KLHL1: variants seen among roughly 807,000 people sequenced by gnomAD.
KLHL1 encodes kelch-like protein 1.
In KLHL1, 47 loss-of-function variants were observed where a neutral mutation model predicts 77.7. The observed-to-expected ratio is 0.60, with a 90% confidence interval of 0.48 to 0.77. The LOEUF (loss-of-function observed/expected upper bound fraction) is 0.77, where lower values mean the gene tolerates loss of function less well. KLHL1 is among the 30% of genes least tolerant of loss of function. The probability of loss-of-function intolerance (pLI) is 0.00; values close to 1 mark genes in which losing one functional copy is unlikely to be tolerated. For missense variants in KLHL1, 925 were observed against 910.8 expected (o/e 1.02, Z -0.20); for synonymous variants, 360 against 325.2 (o/e 1.11, Z -1.15).
At chr13:69,747,905 T>A (rs931693796) in intron 7 of KLHL1, among the ~76,000 whole-genome samples, 1 of 151,952 alleles carries the variant, frequency 6.6e-6, no homozygotes, top group African/African-American at 2.4e-5. Flanking sequence ...TATATTACTA[T>A]ACACAGCAAA....
Position 69,943,411 on chromosome 13 carries a change from G to A in KLHL1, c.818-3175C>T, listed in dbSNP as rs1883425615. On this transcript the variant is annotated intron_variant, in intron 3 of 10. Coordinates refer to ENST00000377844, the MANE Select transcript of KLHL1 (RefSeq NM_020866.3). ...ATGCCTCCAAGCATAAAAGTGAGCT[G>A]ATGAAGGAAAAAGAAGAGCAGATAC... 2.0e-5 allele frequency among the ~76,000 whole-genome samples: 3 copies of A among 151,842 alleles called. No homozygotes were observed. In the South Asian group the frequency reaches 6.2e-4, roughly 31 times the overall value.
intron 6 of KLHL1, among the ~76,000 whole-genome samples, chr13:69,835,069 G>A (rs756334449): frequency 1.1e-4 from 16 of 152,134 alleles, no homozygotes; most frequent in Non-Finnish European, 2.1e-4. Context: ...AAATGTCAAT[G>A]AGTCTACCTT....
intron 4 of KLHL1, among the ~76,000 whole-genome samples, chr13:69,929,269 T>C (rs1882916637): frequency 6.6e-6 from 1 of 152,040 alleles, no homozygotes; most frequent in Non-Finnish European, 1.5e-5. Context: ...TCAAGCCTTC[T>C]GGTTTTCAAG....
intron 2 of KLHL1, among the ~76,000 whole-genome samples, chr13:69,964,867 C>T (rs188655252): frequency 3.3e-5 from 5 of 152,054 alleles, no homozygotes; most frequent in Admixed American, 6.6e-5. Flanking sequence ...GGTCAATTTC[C>T]ATTGACTGAT....
chr13:69,844,915 T>C (rs986000363), intron 5 of KLHL1, among the ~76,000 whole-genome samples: 1 of 151,574 alleles, frequency 6.6e-6, no homozygotes, highest in Non-Finnish European at 1.5e-5. Context: ...TTTGTTCCTA[T>C]GTCAATTTAT....
At chr13:69,886,268 A>G (rs999132973) in intron 4 of KLHL1, among the ~76,000 whole-genome samples, 1 of 152,142 alleles carries the variant, frequency 6.6e-6, no homozygotes, top group East Asian at 1.9e-4. Context: ...CTACAAAAAT[A>G]AAGACTAAAC....
chr13:69,903,958 T>A (rs954473315), intron 4 of KLHL1, among the ~76,000 whole-genome samples: 11 of 151,252 alleles, frequency 7.3e-5, no homozygotes, highest in African/African-American at 1.9e-4. Flanking sequence ...CTTGATATAT[T>A]TTTTTTTATG....
intron 1 of KLHL1, among the ~76,000 whole-genome samples, chr13:70,004,055 T>G (rs1044001625): frequency 1.3e-5 from 2 of 151,882 alleles, no homozygotes; most frequent in African/African-American, 4.8e-5. Context: ...AGTTTATTCA[T>G]ACTGGTTATA....
Position 69,701,562 on chromosome 13 carries a change from C to G in KLHL1, c.*140G>C. On this transcript the variant is annotated 3_prime_UTR_variant, in exon 11 of 11. Transcript: ENST00000377844. Reference sequence around the variant, plus strand: ...CCTACTATTCTGTTTGATCTACTAACTCTTTCAACATCAGTAGGTAACGCT... The same window carrying G: ...CCTACTATTCTGTTTGATCTACTAAGTCTTTCAACATCAGTAGGTAACGCT... 1.6e-6 allele frequency: 1 copy of G among 633,108 alleles called. No homozygotes were observed. Among genetic ancestry groups the G allele is most frequent in the South Asian group, 2.0e-5 (1 of 50,750 alleles). 39.2% of individuals were successfully genotyped at this position (633,108 alleles called of 1,614,324 possible).
chr13:69,965,334 C>T (rs1884182116), intron 2 of KLHL1, among the ~76,000 whole-genome samples: 1 of 152,094 alleles, frequency 6.6e-6, no homozygotes, highest in Non-Finnish European at 1.5e-5. Flanking sequence ...ATTGTTATGT[C>T]TGTTACAGTA....
chr13:70,041,848 A>G (rs1017009018), intron 1 of KLHL1, among the ~76,000 whole-genome samples: 2 of 151,994 alleles, frequency 1.3e-5, no homozygotes, highest in African/African-American at 4.8e-5. Flanking sequence ...CATGCTTGCT[A>G]CTTTGGCCTT....
chr13:69,964,029 T>C (rs1884143075), intron 2 of KLHL1, among the ~76,000 whole-genome samples: 2 of 142,788 alleles, frequency 1.4e-5, no homozygotes, highest in South Asian at 4.7e-4. Context: ...GCACCACTGT[T>C]GGAATTTTTT....
At chr13:69,706,519 T>C (rs1418916957) in intron 10 of KLHL1, among the ~76,000 whole-genome samples, 2 of 151,950 alleles carry the variant, frequency 1.3e-5, no homozygotes, top group South Asian at 2.1e-4. Context: ...GGTGTTCAAG[T>C]TCTTTAGATA....
chr13:69,891,288 T>G, intron 4 of KLHL1, among the ~76,000 whole-genome samples: 1 of 152,096 alleles, frequency 6.6e-6, no homozygotes, highest in Non-Finnish European at 1.5e-5. Context: ...GCATAGTAAC[T>G]ATATTTTTAC....
At position 70,012,860 on chromosome 13, in the gene KLHL1, G is replaced by A. The variant is rs148472799; in HGVS notation, c.498-37058C>T. Among the ~76,000 whole-genome samples, 327 of 151,458 alleles carry A rather than the reference G, an allele frequency of 2.2e-3. 2 individuals carry two copies. Among genetic ancestry groups the A allele is most frequent in the African/African-American group, 7.6e-3 (314 of 41,280 alleles). ...AGAGCTTGCAGTGAGGTGAGATCTC[G>A]CCCCTGCACTCCAGCCTGGTTGACA... On this transcript the variant is annotated intron_variant, in intron 1 of 10. Transcript: ENST00000377844.
chr13:69,879,975 C>T (rs1055980829), intron 5 of KLHL1, among the ~76,000 whole-genome samples: 1 of 152,278 alleles, frequency 6.6e-6, no homozygotes, highest in African/African-American at 2.4e-5. Flanking sequence ...TATCAAACTG[C>T]TGTTCTTCCA....
chr13:70,088,780 AT>A (rs1412003890), intron 1 of KLHL1, among the ~76,000 whole-genome samples: 1 of 151,974 alleles, frequency 6.6e-6, no homozygotes. Context: ...CATATTAGAC[AT>A]TTTTCTCATT....
intron 6 of KLHL1, among the ~76,000 whole-genome samples, chr13:69,824,094 T>G (rs1024321903): frequency 6.6e-6 from 1 of 151,978 alleles, no homozygotes; most frequent in African/African-American, 2.4e-5. Flanking sequence ...CCTTTAAAAG[T>G]CAGACATCAA....
At chr13:69,763,222 C>G (rs1875110184) in intron 7 of KLHL1, among the ~76,000 whole-genome samples, 1 of 152,144 alleles carries the variant, frequency 6.6e-6, no homozygotes, top group African/African-American at 2.4e-5. Context: ...TACTTACTGG[C>G]TGAATAGAAA....
Sources: allele counts gnomAD v4.1 joint callset (sites outside exome capture counted in the v4.1 genomes callset), GRCh38; gene constraint gnomAD v4.1.1; transcripts MANE v1.5; gene names NCBI Gene and HGNC (gene_info 2026-07-23, HGNC 2026-07-21).